The following SRCAP variants were observed in gnomAD, a reference collection of about 807,000 sequenced individuals.
SRCAP encodes the protein chromatin remodeling protein SRCAP.
In SRCAP, 46 loss-of-function variants were observed where a neutral mutation model predicts 263.1. The observed-to-expected ratio is 0.17, with a 90% confidence interval of 0.14 to 0.22. The LOEUF (loss-of-function observed/expected upper bound fraction) is 0.22. Among genes scored for constraint, SRCAP ranks in the 10% least tolerant of loss-of-function variants. The probability of loss-of-function intolerance (pLI) is 1.00; values close to 1 mark genes in which losing one functional copy is unlikely to be tolerated. For synonymous variants in SRCAP, 1,813 were observed against 1,662.1 expected, an observed-to-expected ratio of 1.09 and a Z score of -2.21; for missense variants, 3,695 against 4,181.9, an observed-to-expected ratio of 0.88 and a Z score of 3.21.
chr16:30,735,769 T>TG (rs1183330245), intron 31 of SRCAP, among the ~76,000 whole-genome samples: 1 of 151,212 alleles, frequency 6.6e-6, no homozygotes, highest in East Asian at 2.0e-4. Flanking sequence ...TTAGCAGAGA[T>TG]GGGGTTTCAC....
rs2052898210 is a variant in SRCAP at position 30,712,054 on chromosome 16, C to T, written c.1712C>T (p.Pro571Leu). The T allele has an allele frequency of 6.2e-7, 1 of 1,613,882 alleles. No individual in the cohort carries two copies. Among genetic ancestry groups the T allele is most frequent in the Non-Finnish European group, 8.5e-7 (1 of 1,179,990 alleles). Reference sequence around the variant, plus strand: ...GAGGCAGATGCAGGCAGTGGGCCTCCTACTCCAGGGCCCACTACTCTAGGT... The same window carrying T: ...GAGGCAGATGCAGGCAGTGGGCCTCTTACTCCAGGGCCCACTACTCTAGGT... ...QSEADAGSGP[P>L]TPGPTTLGPK... Residue 571 changes from proline (P) to leucine (L), a missense_variant, in exon 12 of 34, where the codon CCT (proline) becomes CTT (leucine). By Grantham distance (98) the Pro-to-Leu change is moderately conservative. This residue lies in a region of SRCAP where 288 missense variants were observed against 302.4 expected (regional missense o/e 0.95). Transcript: ENST00000262518.
chr16:30,721,034 C>A, intron 20 of SRCAP, 56 bp downstream of exon 20: 9 of 1,554,814 alleles, frequency 5.8e-6, no homozygotes, highest in Non-Finnish European at 7.8e-6. Flanking sequence ...GTTGTTCAGA[C>A]TGAGGAGGAA....
intron 4 of SRCAP, among the ~76,000 whole-genome samples, chr16:30,705,505 T>C (rs2052816852): frequency 6.6e-6 from 1 of 151,708 alleles, no homozygotes; most frequent in African/African-American, 2.4e-5. Flanking sequence ...TTCACAGCCA[T>C]TCTCTGGCCT....
In SRCAP at chr16:30,709,595, A is replaced by G. The variant is rs1382297813; in HGVS notation, c.716A>G (p.Gln239Arg). ...LDLHLDFIVG[Q>R]TEKYSDLLSQ... ...CTGCATTTGGACTTCATTGTGGGGC[A>G]AACTGAAAAGTACTCGGACCTTCTG... The change falls in exon 7 of 34, where the codon CAA becomes CGA. Residue 239 changes from glutamine (Q) to arginine (R), a missense_variant. Around this residue, in one of 12 missense-constraint regions of SRCAP, gnomAD observed 107 missense variants for 223.8 expected, o/e 0.48. Coordinates refer to ENST00000262518, the MANE Select transcript of SRCAP (RefSeq NM_006662.3). The G allele has an allele frequency of 6.2e-7, 1 of 1,614,230 alleles. No individual in the cohort carries two copies.
chr16:30,714,378 T>G (rs898245397), intron 16 of SRCAP, among the ~76,000 whole-genome samples: 10 of 152,040 alleles, frequency 6.6e-5, no homozygotes, highest in African/African-American at 2.4e-4. Context: ...CCCGGCTAAT[T>G]TTTTGTATTT....
At chr16:30,726,875 T>A (rs1190609143) in intron 25 of SRCAP, among the ~76,000 whole-genome samples, 1 of 152,136 alleles carries the variant, frequency 6.6e-6, no homozygotes, top group Non-Finnish European at 1.5e-5. Flanking sequence ...CTAATTTTTT[T>A]ATTTTTAGTA....
At chr16:30,734,063 G>T (rs1188533905) in intron 30 of SRCAP, 55 bp downstream of exon 30, 5 of 1,441,750 alleles carry the variant, frequency 3.5e-6, no homozygotes, top group South Asian at 1.2e-5. Context: ...GCCTTCAGGA[G>T]TTCCTCCTGT....
In SRCAP at chr16:30,739,620, C is replaced by T. The variant is rs201229743; in HGVS notation, c.9580C>T (p.Arg3194Cys). The T allele has an allele frequency of 1.6e-5, 25 of 1,591,174 alleles. No homozygotes were observed. The highest frequency in any genetic ancestry group is 4.6e-5 in the East Asian group (2 of 43,286). The change falls in exon 34 of 34, where the codon CGC (arginine) becomes TGC (cysteine). Residue 3194 changes from arginine to cysteine, a missense_variant. Physicochemically the swap from Arg to Cys is radical, Grantham distance 180 (BLOSUM62 -3). This residue lies in a region of SRCAP where 1,207 missense variants were observed against 1,142.9 expected (regional missense o/e 1.06). Transcript: ENST00000262518. ...DGTPRRRPGP[R>C]RLVGTTNQGD... ...GACCCCACGCCGACGTCCTGGCCCC[C>T]GCCGGCTTGTTGGGACCACCAACCA...
chr16:30,724,507 T>G lies in SRCAP; in HGVS notation c.5083T>G (p.Ser1695Ala), dbSNP rs1044955902. 6.2e-7 allele frequency: 1 copy of G among 1,614,124 alleles called. No individual in the cohort carries two copies. Among genetic ancestry groups the G allele is most frequent in the African/African-American group, 1.3e-5 (1 of 75,006 alleles). ...TTTAGCACCCACTCTTGGAGGCTCA[T>G]CTCCATCTCAGACACTCTCTTTGGG... ...PALAPTLGGS[S>A]PSQTLSLGTG... is the part of the protein sequence containing the mutation. Residue 1695 changes from serine to alanine, a missense_variant, in exon 25 of 34, where the codon TCT becomes GCT. Physicochemically the swap from Ser to Ala is moderately conservative, Grantham distance 99. This residue lies in a region of SRCAP where 1,347 missense variants were observed against 1,304.4 expected (regional missense o/e 1.03). Transcript: ENST00000262518.
intron 13 of SRCAP, 100 bp downstream of exon 13, chr16:30,712,539 C>G: frequency 6.6e-7 from 1 of 1,511,860 alleles, no homozygotes; most frequent in Non-Finnish European, 8.9e-7. Context: ...TTTATTGACT[C>G]CGGTCATTAA....
chr16:30,727,323 C>G (rs1399423471), intron 25 of SRCAP, among the ~76,000 whole-genome samples: 3 of 152,130 alleles, frequency 2.0e-5, no homozygotes, highest in Admixed American at 6.5e-5. Context: ...AATGGGTTGT[C>G]TTTTTATTAT....
chr16:30,729,712 G>A, intron 27 of SRCAP, 140 bp downstream of exon 27: 1 of 925,040 alleles, frequency 1.1e-6, no homozygotes, highest in African/African-American at 1.7e-5. Context: ...TATGCTTATG[G>A]GCAAGATAGA....
At chr16:30,699,753 C>T (rs2052745019) in intron 1 of SRCAP, among the ~76,000 whole-genome samples, 155 bp from the exon 2 acceptor site, 1 of 152,082 alleles carries the variant, frequency 6.6e-6, no homozygotes, top group African/African-American at 2.4e-5. Context: ...GATCGTATGT[C>T]CCTCCGGAAT....
At chr16:30,716,500 A>G in intron 18 of SRCAP, 21 bp downstream of exon 18, 3 of 1,594,036 alleles carry the variant, frequency 1.9e-6, no homozygotes, top group Non-Finnish European at 2.6e-6. Flanking sequence ...TTCCATTAAT[A>G]TGAAATGTAA....
Position 30,729,171 on chromosome 16 carries a change from C to T in SRCAP, c.5864C>T (p.Ala1955Val), listed in dbSNP as rs758156989. Residue 1955 changes from alanine to valine, a missense_variant, in exon 26 of 34, where the codon GCC (alanine) becomes GTC (valine). By Grantham distance (64) the Ala-to-Val change is moderately conservative (BLOSUM62 0). Around this residue, in one of 12 missense-constraint regions of SRCAP, gnomAD observed 1,347 missense variants for 1,304.4 expected, o/e 1.03. Transcript: ENST00000262518. ...HPTFWTYTEA[A>V]HRAVLFPQQR... ...ACCTTTTGGACTTATACCGAGGCTG[C>T]CCACCGGGCTGTACTGTTTCCCCAG... 2 of 1,613,934 alleles carry T rather than the reference C, an allele frequency of 1.2e-6. No homozygotes were observed. Among genetic ancestry groups the T allele is most frequent in the Non-Finnish European group, 1.7e-6 (2 of 1,179,964 alleles).
At chr16:30,734,802 G>A (rs939415107) in intron 31 of SRCAP, among the ~76,000 whole-genome samples, 187 bp downstream of exon 31, 1 of 152,176 alleles carries the variant, frequency 6.6e-6, no homozygotes, top group Non-Finnish European at 1.5e-5. Context: ...AAAAAAACAG[G>A]ATTTTGGAGT....
At chr16:30,726,876 A>G (rs1474519577) in intron 25 of SRCAP, among the ~76,000 whole-genome samples, 2 of 151,746 alleles carry the variant, frequency 1.3e-5, no homozygotes, top group African/African-American at 4.8e-5. Flanking sequence ...TAATTTTTTT[A>G]TTTTTAGTAG....
chr16:30,704,016 A>G (rs1208733785), intron 3 of SRCAP, 48 bp from the exon 4 acceptor site: 6 of 1,568,330 alleles, frequency 3.8e-6, no homozygotes, highest in Non-Finnish European at 5.2e-6. Context: ...TAAAACACTC[A>G]GCACAGTGCG....
rs763695274 is a variant in SRCAP, at chr16:30,738,801, C to T, written c.8761C>T (p.Pro2921Ser). ...QLIPGPQPLG[P>S]QPVHRPNPLL... ...TATTCCTGGGCCCCAGCCTCTTGGA[C>T]CCCAGCCAGTTCACAGACCCAATCC... Residue 2921 changes from proline (P) to serine (S), a missense_variant, in exon 34 of 34, where the codon CCC (proline) becomes TCC (serine). By Grantham distance (74) the Pro-to-Ser change is moderately conservative. This residue lies in a region of SRCAP where 1,207 missense variants were observed against 1,142.9 expected (regional missense o/e 1.06). Coordinates refer to ENST00000262518, the MANE Select transcript of SRCAP (RefSeq NM_006662.3). 3.1e-6 allele frequency: 5 copies of T among 1,613,804 alleles called. No homozygotes were observed. The highest frequency in any genetic ancestry group is 1.1e-5 in the South Asian group (1 of 91,012).
Sources: gnomAD v4.1 joint callset for allele counts (sites outside exome capture counted in the v4.1 genomes callset) on GRCh38, gnomAD v4.1.1 for gene constraint, gnomAD v4.1.1 regional missense constraint, MANE v1.5 for transcripts, NCBI Gene and HGNC (gene_info 2026-07-23, HGNC 2026-07-21) for gene names.